ENO4: variants seen among roughly 807,000 people sequenced by gnomAD.
ENO4 encodes 2-phospho-D-glycerate hydro-lyase.
In ENO4, 53 loss-of-function variants were observed where a neutral mutation model predicts 63.2. The observed-to-expected ratio is 0.84, with a 90% CI of 0.67 to 1.05. The LOEUF is 1.05. Among genes scored for constraint, ENO4 ranks in the 50% least tolerant of loss-of-function variants. The pLI is 0.00. For missense variants in ENO4, 719 were observed against 772.0 expected (o/e 0.93, Z 0.81); for synonymous variants, 266 against 283.8 (o/e 0.94, Z 0.63).
intron 10 of ENO4, among the ~76,000 whole-genome samples, chr10:116,904,040 T>C (rs1847861669): frequency 2.0e-5 from 3 of 152,184 alleles, no homozygotes; most frequent in African/African-American, 7.2e-5. Flanking sequence ...ACATCCTTTG[T>C]CCCTGGGGCA....
At chr10:116,895,553 A>G (rs71500868) in intron 10 of ENO4, among the ~76,000 whole-genome samples, 1,622 of 152,300 alleles carry the variant, frequency 0.011, 14 homozygotes, top group Middle Eastern at 0.034. Flanking sequence ...AGAATGAGAA[A>G]AGGAAGACAT....
chr10:116,873,145 T>C (rs757169578), intron 9 of ENO4, among the ~76,000 whole-genome samples: 2 of 152,210 alleles, frequency 1.3e-5, no homozygotes, highest in Non-Finnish European at 2.9e-5. Context: ...TAGCGTTTCC[T>C]CACTGACAAG....
chr10:116,900,618 A>G, intron 10 of ENO4: 5 of 1,526,440 alleles, frequency 3.3e-6, no homozygotes, highest in Non-Finnish European at 4.4e-6. Flanking sequence ...TCTCAGCCAA[A>G]TTGCTTTTGT....
chr10:116,893,145 G>C (rs142876971), intron 10 of ENO4, among the ~76,000 whole-genome samples: 3 of 152,268 alleles, frequency 2.0e-5, no homozygotes, highest in East Asian at 3.9e-4. Context: ...GGAAGTTGCT[G>C]TTTGCACAGC....
chr10:116,880,604 CTG>C (rs920264926), intron 13 of ENO4, among the ~76,000 whole-genome samples: 1 of 152,094 alleles, frequency 6.6e-6, no homozygotes, highest in African/African-American at 2.4e-5. Flanking sequence ...CCAACAGAAA[CTG>C]TGATTATAAA....
intron 10 of ENO4, among the ~76,000 whole-genome samples, chr10:116,905,694 A>C (rs1847941212): frequency 6.6e-6 from 1 of 152,186 alleles, no homozygotes; most frequent in Non-Finnish European, 1.5e-5. Context: ...CCAGATTTAA[A>C]CTGTTACGAT....
At chr10:116,868,509 G>A in intron 7 of ENO4, 141 bp from the exon 8 acceptor site, 1 of 733,492 alleles carries the variant, frequency 1.4e-6, no homozygotes, top group South Asian at 1.5e-5. Context: ...CTATGTGCAT[G>A]AGTGCGTGTG....
At chr10:116,858,069 A>G (rs755724803) in intron 3 of ENO4, among the ~76,000 whole-genome samples, 3 of 151,332 alleles carry the variant, frequency 2.0e-5, no homozygotes, top group African/African-American at 7.3e-5. Context: ...TCTCAGTTAC[A>G]TCTTGTATTT....
At chr10:116,905,025 C>A (rs1032285014) in intron 10 of ENO4, among the ~76,000 whole-genome samples, 1 of 151,062 alleles carries the variant, frequency 6.6e-6, no homozygotes, top group African/African-American at 2.4e-5. Flanking sequence ...CAAGGTGAAA[C>A]CCCGTCTCTA....
intron 11 of ENO4, among the ~76,000 whole-genome samples, chr10:116,877,971 C>A (rs1485475433): frequency 6.6e-6 from 1 of 152,218 alleles, no homozygotes; most frequent in East Asian, 1.9e-4. Context: ...ATGCTTTGCT[C>A]TGACATACTT....
intron 10 of ENO4, among the ~76,000 whole-genome samples, chr10:116,888,024 T>C (rs1372981360): frequency 6.6e-6 from 1 of 152,178 alleles, no homozygotes; most frequent in Non-Finnish European, 1.5e-5. Flanking sequence ...TGTCCAAATG[T>C]TTAAAAACCA....
At position 116,859,040 on chromosome 10, in the gene ENO4, A is replaced by G. The variant is rs1451763421; in HGVS notation, c.536A>G (p.Glu179Gly). The G allele has an allele frequency of 6.5e-7, 1 of 1,535,838 alleles. No homozygotes were observed. The highest frequency in any genetic ancestry group is 2.4e-5 in the East Asian group (1 of 40,896). Residue 179 changes from glutamate (E) to glycine (G), a missense_variant, in exon 4 of 14, where the codon GAA (glutamate) becomes GGA (glycine). Physicochemically the swap from Glu to Gly is moderately conservative, Grantham distance 98. Coordinates refer to ENST00000341276, the MANE Select transcript of ENO4 (RefSeq NM_001242699.2). ...VQEDKGRKELEKSLEYSTVPT... is the reference protein window; with the variant it reads ...VQEDKGRKELGKSLEYSTVPT... ...GAAGATAAGGGGAGAAAAGAATTGG[A>G]AAAGAGCCTGGAATACTCAACAGTG...
At chr10:116,898,131 C>T (rs1847587089) in intron 10 of ENO4, among the ~76,000 whole-genome samples, 1 of 151,994 alleles carries the variant, frequency 6.6e-6, no homozygotes, top group Non-Finnish European at 1.5e-5. Flanking sequence ...AGTTCAAGAC[C>T]AGCCTGACCA....
chr10:116,884,042 A>G (rs2133290614), downstream of ENO4: 1 of 273,808 alleles, frequency 3.7e-6, no homozygotes, highest in Non-Finnish European at 7.5e-6. Context: ...AAAATCCTCT[A>G]TAGCGCACAA....
intron 10 of ENO4, chr10:116,911,431 G>A (rs1433033491): frequency 6.5e-7 from 1 of 1,537,396 alleles, no homozygotes; most frequent in African/African-American, 1.4e-5. Context: ...AGGCTTCAAA[G>A]TAAAGCATTA....
intron 10 of ENO4, among the ~76,000 whole-genome samples, chr10:116,897,710 C>G (rs1311804421): frequency 6.6e-6 from 1 of 152,160 alleles, no homozygotes; most frequent in South Asian, 2.1e-4. Flanking sequence ...AATTTACACA[C>G]CAGGAAATTC....
chr10:116,886,694 T>C, downstream of ENO4: 3 of 1,249,636 alleles, frequency 2.4e-6, no homozygotes, highest in Non-Finnish European at 3.3e-6. Context: ...CATATAGTAG[T>C]CTTTGAGATG....
At chr10:116,888,373 A>G (rs942531677) in intron 10 of ENO4, among the ~76,000 whole-genome samples, 29 of 152,212 alleles carry the variant, frequency 1.9e-4, no homozygotes, top group African/African-American at 5.5e-4. Context: ...ACTATGAGTA[A>G]TATTAAGGAT....
intron 6 of ENO4, among the ~76,000 whole-genome samples, chr10:116,862,471 AT>A (rs1846442240): frequency 6.6e-6 from 1 of 151,780 alleles, no homozygotes; most frequent in African/African-American, 2.4e-5. Flanking sequence ...AAAAAAAAAA[AT>A]AAAAAAGAAA....
Sources: allele counts gnomAD v4.1 joint callset (sites outside exome capture counted in the v4.1 genomes callset), GRCh38; gene constraint gnomAD v4.1.1; transcripts MANE v1.5; gene names NCBI Gene and HGNC (gene_info 2026-07-23, HGNC 2026-07-21).